Variants in ECE1 observed in about 807,000 individuals in gnomAD.
ECE1 encodes the protein endothelin-converting enzyme 1.
ECE1 carries 35 observed loss-of-function variants against 98.6 expected under a neutral mutation model. That is an observed-to-expected ratio of 0.35 (90% CI 0.27 to 0.47). The LOEUF is 0.47. Among genes scored for constraint, ECE1 ranks in the 20% least tolerant of loss-of-function variants. ECE1 has a pLI of 1.00. For synonymous variants in ECE1, 394 were observed against 407.1 expected (o/e 0.97, Z 0.39); for missense variants, 814 against 1,025.3 (o/e 0.79, Z 2.81).
chr1:21,236,288 C>A (rs28368016), intron 12 of ECE1, among the ~76,000 whole-genome samples: 1 of 152,380 alleles, frequency 6.6e-6, no homozygotes, highest in African/African-American at 2.4e-5. Context: ...GAGGCCTACC[C>A]CGAATCCTGC....
At chr1:21,274,926 T>C (rs995284125) in intron 3 of ECE1, among the ~76,000 whole-genome samples, 5 of 152,218 alleles carry the variant, frequency 3.3e-5, no homozygotes, top group African/African-American at 1.2e-4. Flanking sequence ...TCAAATCATC[T>C]TAATCACAGT....
At chr1:21,298,578 GC>G (rs1183656425) in intron 1 of ECE1, 5 of 371,478 alleles carry the variant, frequency 1.3e-5, no homozygotes, top group Non-Finnish European at 2.7e-5. Flanking sequence ...CAGAGAAGCA[GC>G]ACATGGGAGG....
chr1:21,292,298 GC>G (rs1425732650), upstream of ECE1, among the ~76,000 whole-genome samples: 58 of 148,096 alleles, frequency 3.9e-4, no homozygotes, highest in Non-Finnish European at 9.1e-5. Flanking sequence ...TGCTGCCAGC[GC>G]CCCCTCCCCC....
intron 8 of ECE1, among the ~76,000 whole-genome samples, chr1:21,251,368 A>G (rs1191009111): frequency 6.6e-6 from 1 of 152,054 alleles, no homozygotes; most frequent in Non-Finnish European, 1.5e-5. Context: ...TAAAAAAATT[A>G]GCCAGGCGTG....
At chr1:21,292,269 ACTC>A (rs1317708229), upstream of ECE1, among the ~76,000 whole-genome samples, 4 of 151,604 alleles carry the variant, frequency 2.6e-5, no homozygotes, top group African/African-American at 9.7e-5. Context: ...GCCCCTGCCC[ACTC>A]TGGGCCCTCA....
chr1:21,308,166 G>T (rs1226499658), intron 1 of ECE1, among the ~76,000 whole-genome samples: 1 of 152,222 alleles, frequency 6.6e-6, no homozygotes, highest in Non-Finnish European at 1.5e-5. Flanking sequence ...ACTCTCTGCT[G>T]TGCTGTCAGA....
intron 4 of ECE1, among the ~76,000 whole-genome samples, chr1:21,261,925 G>A (rs946829304): frequency 3.3e-5 from 5 of 152,222 alleles, no homozygotes; most frequent in Admixed American, 6.5e-5. Context: ...AAGGGCAGGC[G>A]GACTGCTTGG....
At chr1:21,337,108 TA>T (rs1436249239) in intron 1 of ECE1, among the ~76,000 whole-genome samples, 2 of 152,150 alleles carry the variant, frequency 1.3e-5, no homozygotes, top group Non-Finnish European at 2.9e-5. Context: ...CACTCCTAAG[TA>T]TGTGCCCCAA....
chr1:21,233,495 G>T lies in ECE1; in HGVS notation c.1670+63C>A. ...GTGAGGGTGCAATGAAGGCCAGTTC[G>T]TCCCAAGGCTTGCCCACAGGTGGGG... On this transcript the variant is annotated intron_variant, in intron 14 of 18. Transcript: ENST00000374893. This position sits in a 1 kb window ranked among gnomAD's most constrained non-coding sequence, Gnocchi z 4.0. 1 of 1,506,126 alleles carries T rather than the reference G, an allele frequency of 6.6e-7. No homozygotes were observed. Among genetic ancestry groups the T allele is most frequent in the Non-Finnish European group, 9.2e-7 (1 of 1,086,314 alleles). The allele number at this position is 1,506,126 out of a possible 1,614,324, so 93.3% of individuals were successfully genotyped here. A position where few individuals can be genotyped will look rare whatever the true frequency, so the allele number is the denominator to read the frequency against.
chr1:21,288,282 A>G (rs997563392), intron 2 of ECE1, among the ~76,000 whole-genome samples: 1 of 152,228 alleles, frequency 6.6e-6, no homozygotes, highest in African/African-American at 2.4e-5. Context: ...TTTATCATCA[A>G]TAATGTGGCC....
In ECE1 at chr1:21,296,556, A is replaced by G. The variant is rs1305966730; in HGVS notation, c.4-6400T>C. ...GAGAAATAAAATAAAATAAAGTAAA[A>G]CAAAACAAAACAGAGTCATTGACCT... On this transcript the variant is annotated intron_variant, in intron 1 of 18. Transcript: ENST00000415912. Among the ~76,000 whole-genome samples, 3 of 151,878 alleles carry G rather than the reference A, an allele frequency of 2.0e-5. 1 individual carries two copies. The highest frequency in any genetic ancestry group is 7.3e-5 in the African/African-American group (3 of 41,206).
At chr1:21,335,440 A>G (rs1639289921) in intron 1 of ECE1, among the ~76,000 whole-genome samples, 1 of 152,178 alleles carries the variant, frequency 6.6e-6, no homozygotes, top group African/African-American at 2.4e-5. Context: ...ACAATGAGGC[A>G]GGGCCTCCTT....
intron 1 of ECE1, chr1:21,299,018 G>T (rs1638429647): frequency 2.6e-6 from 1 of 381,526 alleles, no homozygotes; most frequent in Non-Finnish European, 5.3e-6. Context: ...TGATGACCAG[G>T]CTGGGGAAGT....
chr1:21,302,545 A>G (rs1257010656), intron 1 of ECE1, among the ~76,000 whole-genome samples: 1 of 152,210 alleles, frequency 6.6e-6, no homozygotes, highest in Non-Finnish European at 1.5e-5. Flanking sequence ...TACAAGTAAG[A>G]TAAGGGCCAG....
At position 21,228,001 on chromosome 1, in the gene ECE1, G is replaced by T; in HGVS notation, c.1711C>A (p.Pro571Thr). The T allele has an allele frequency of 6.4e-7, 1 of 1,565,248 alleles. No homozygotes were observed. Among genetic ancestry groups the T allele is most frequent in the Non-Finnish European group, 8.7e-7 (1 of 1,153,868 alleles). ...GGAAACACAATCTCATTCTTGGTGG[G>T]CGAGTAGTAGGCGTTCACCATGGGC... ...TPPMVNAYYSPTKNEIVFPAG... is the reference protein window; with the variant it reads ...TPPMVNAYYSTTKNEIVFPAG... The change falls in exon 15 of 19, where the codon CCC (proline) becomes ACC (threonine). Residue 571 changes from proline (P) to threonine (T), a missense_variant. By Grantham distance (38) the Pro-to-Thr change is conservative. This residue lies in a region of ECE1 where 452 missense variants were observed against 567.3 expected (regional missense o/e 0.80). Transcript: ENST00000374893.
At chr1:21,243,924 C>G (rs1486644756) in intron 10 of ECE1, among the ~76,000 whole-genome samples, 1 of 152,246 alleles carries the variant, frequency 6.6e-6, no homozygotes. Context: ...GCTACCTTCT[C>G]CCTCAGTCCC....
chr1:21,262,550 C>A (rs1359779184), intron 4 of ECE1, among the ~76,000 whole-genome samples: 2 of 152,246 alleles, frequency 1.3e-5, no homozygotes, highest in East Asian at 1.9e-4. Flanking sequence ...CCAGGGCCAG[C>A]GCTGGGGAAG....
At chr1:21,316,005 T>G (rs1054464129) in intron 1 of ECE1, among the ~76,000 whole-genome samples, 16 of 152,214 alleles carry the variant, frequency 1.1e-4, no homozygotes, top group African/African-American at 3.6e-4. Flanking sequence ...GGAGAACCCC[T>G]CCTCACAGTG....
chr1:21,309,411 T>C (rs745322994), intron 1 of ECE1, among the ~76,000 whole-genome samples: 2 of 152,220 alleles, frequency 1.3e-5, no homozygotes, highest in Admixed American at 1.3e-4. Context: ...CACCAAGTTG[T>C]TGGGAGGATG....
Sources: allele counts gnomAD v4.1 joint callset (sites outside exome capture counted in the v4.1 genomes callset), GRCh38; gene constraint gnomAD v4.1.1; regional missense constraint gnomAD v4.1.1; non-coding constraint Gnocchi (gnomAD v3.1); transcripts MANE v1.5; gene names NCBI Gene and HGNC (gene_info 2026-07-23, HGNC 2026-07-21).